CFAP74: variants seen among roughly 807,000 people sequenced by gnomAD.
CFAP74 encodes the protein cilia and flagella associated protein 74.
Under a neutral mutation model 188.9 loss-of-function variants are expected in CFAP74, and 124 were observed. The observed-to-expected ratio is 0.66, with a 90% CI of 0.57 to 0.76. The LOEUF (loss-of-function observed/expected upper bound fraction) is 0.76. Ranked by LOEUF, CFAP74 falls within the 30% of genes least tolerant of loss-of-function variation. The pLI is 0.00. For synonymous variants in CFAP74, 956 were observed against 916.7 expected, an observed-to-expected ratio of 1.04 and a Z score of -0.77; for missense variants, 2,198 against 2,165.2, an observed-to-expected ratio of 1.02 and a Z score of -0.30.
intron 5 of CFAP74, among the ~76,000 whole-genome samples, chr1:1,985,992 C>T (rs1395508853): frequency 6.6e-6 from 1 of 152,216 alleles, no homozygotes; most frequent in East Asian, 1.9e-4. Context: ...CCAGAGGTCC[C>T]GGCCATGTGG....
chr1:1,928,909 G>C (rs1472074703), intron 26 of CFAP74, 27 bp from the exon 27 acceptor site: 6 of 1,486,888 alleles, frequency 4.0e-6, no homozygotes, highest in Non-Finnish European at 4.5e-6. Context: ...GTGGGCACAG[G>C]GGTTGCCACT....
At chr1:1,981,834 C>CG (rs148046904) in intron 6 of CFAP74, among the ~76,000 whole-genome samples, 1 of 84,096 alleles carries the variant, frequency 1.2e-5, no homozygotes, top group Admixed American at 1.1e-4. Context: ...CGGACAGACA[C>CG]GGGGGCACGC....
intron 6 of CFAP74, 45 bp from the exon 7 acceptor site, chr1:1,974,243 T>C (rs1221729666): frequency 2.0e-6 from 3 of 1,533,276 alleles, no homozygotes; most frequent in South Asian, 1.2e-5. Flanking sequence ...CCCACAGTCA[T>C]CCTGGGGTGG....
At chr1:1,949,301 G>A (rs193212374) in intron 18 of CFAP74, among the ~76,000 whole-genome samples, 3 of 151,980 alleles carry the variant, frequency 2.0e-5, no homozygotes, top group African/African-American at 4.8e-5. Context: ...TGAGATTACA[G>A]GTGCGTGCCA....
Position 1,966,483 on chromosome 1 carries a change from TC to T in CFAP74, c.1288del (p.Glu430LysfsTer21). On this transcript the variant is annotated frameshift_variant, in exon 12 of 39. Transcript: ENST00000682832. LOFTEE classifies it high-confidence loss of function. ...CTGGATAAGCTCACTGGAAACGACT[TC>T]CAGCAACCGAGAGGGCCCGGGGCCT... ...AAGPGPSRLLEVVSSELIQGD... is the reference protein window; with the variant it reads ...AAGPGPSRLLXVVSSELIQGD... 6.2e-7 allele frequency: 1 copy of T among 1,600,256 alleles called. No individual in the cohort carries two copies. The highest frequency in any genetic ancestry group is 1.1e-5 in the South Asian group (1 of 89,516).
At chr1:1,996,725 A>T (rs917996404) in intron 1 of CFAP74, among the ~76,000 whole-genome samples, 5 of 151,958 alleles carry the variant, frequency 3.3e-5, no homozygotes, top group African/African-American at 1.2e-4. Context: ...GTTTGAGACC[A>T]GCCTGACCAA....
chr1:1,934,618 G>C (rs2102039195), intron 25 of CFAP74, among the ~76,000 whole-genome samples: 1 of 149,918 alleles, frequency 6.7e-6, no homozygotes, highest in African/African-American at 2.5e-5. Context: ...TGTGTGTTAG[G>C]TTGTAGGTAC....
At chr1:1,990,776 A>G (rs1657520316) in intron 2 of CFAP74, 114 bp downstream of exon 2, 1 of 656,832 alleles carries the variant, frequency 1.5e-6, no homozygotes, top group African/African-American at 1.8e-5. Flanking sequence ...GAAAAATATG[A>G]GTGTAAAAGA....
chr1:1,950,441 G>C (rs890722720), intron 18 of CFAP74, among the ~76,000 whole-genome samples: 9 of 151,648 alleles, frequency 5.9e-5, no homozygotes, highest in African/African-American at 2.2e-4. Flanking sequence ...CCAGGTTCAA[G>C]TGATTCTCCT....
Position 1,975,008 on chromosome 1 carries a change from C to A in CFAP74, c.501-810G>T, listed in dbSNP as rs116167368. 6.6e-6 allele frequency among the ~76,000 whole-genome samples: 1 copy of A among 152,210 alleles called. No individual in the cohort carries two copies. Among genetic ancestry groups the A allele is most frequent in the Non-Finnish European group, 1.5e-5 (1 of 68,040 alleles). On this transcript the variant is annotated intron_variant, in intron 6 of 38. Coordinates refer to ENST00000682832, the MANE Select transcript of CFAP74 (RefSeq NM_001304360.2). The surrounding 1 kb of genome is among the most constrained non-coding windows in gnomAD (Gnocchi z 4.5). ...TTCCACCCAGAGATGCGGCTCAGGCCGGGGCTGGCCACGCGAGGATCAGAA... is the reference window on the plus strand; with the variant it reads ...TTCCACCCAGAGATGCGGCTCAGGCAGGGGCTGGCCACGCGAGGATCAGAA...
chr1:2,002,125 T>C (rs940198373), intron 1 of CFAP74, among the ~76,000 whole-genome samples: 2 of 152,142 alleles, frequency 1.3e-5, no homozygotes, highest in Admixed American at 6.5e-5. Context: ...GAGAATGTCC[T>C]CGTTTGTGGA....
Position 1,961,506 on chromosome 1 carries a change from C to T in CFAP74, c.1695-1476G>A, listed in dbSNP as rs539771042. Among the ~76,000 whole-genome samples, 13 of 152,212 alleles carry T rather than the reference C, an allele frequency of 8.5e-5. No individual in the cohort carries two copies. In the East Asian group the frequency reaches 1.7e-3, roughly 20 times the overall value. On this transcript the variant is annotated intron_variant, in intron 14 of 38. Coordinates refer to ENST00000682832, the MANE Select transcript of CFAP74 (RefSeq NM_001304360.2). ...CCTCAACCTGTTGAGAGAAAATAAC[C>T]GTCCATGAGAAGTTCTCATCCCAGC...
Position 1,930,099 on chromosome 1 carries a change from G to A in CFAP74, c.3249C>T (p.Ile1083=). ...FEFLLPPDSP[I]TISPSVGTVW... ...CGGTCCCCACTGAGGGCGAGATGGTGATAGGCGAGTCTGGGGGCAGCAGGA... is the reference window on the plus strand; with the variant it reads ...CGGTCCCCACTGAGGGCGAGATGGTAATAGGCGAGTCTGGGGGCAGCAGGA... The change falls in exon 26 of 39, where the codon ATC becomes ATT. Residue 1083 remains isoleucine, a synonymous_variant. Transcript: ENST00000682832. The A allele has an allele frequency of 1.3e-6, 2 of 1,534,156 alleles. No individual in the cohort carries two copies. Among genetic ancestry groups the A allele is most frequent in the Non-Finnish European group, 1.7e-6 (2 of 1,145,494 alleles).
rs911104171 is a variant in CFAP74, at chr1:1,975,132, A to G, written c.501-934T>C. ...CACAGCTCTGTCCTAGACACCCGCG[A>G]TCATGTTCATTTCCACTTCGTCTTT... On this transcript the variant is annotated intron_variant, in intron 6 of 38. Coordinates refer to ENST00000682832, the MANE Select transcript of CFAP74 (RefSeq NM_001304360.2). The surrounding 1 kb of genome is among the most constrained non-coding windows in gnomAD (Gnocchi z 4.5). Among the ~76,000 whole-genome samples the G allele has an allele frequency of 6.6e-5, 10 of 152,196 alleles. No homozygotes were observed. The highest frequency in any genetic ancestry group is 1.7e-4 in the African/African-American group (7 of 41,456).
chr1:1,932,591 T>G (rs1043218892), intron 25 of CFAP74, among the ~76,000 whole-genome samples: 2 of 151,282 alleles, frequency 1.3e-5, no homozygotes, highest in Non-Finnish European at 2.9e-5. Flanking sequence ...TTTTTTTCTT[T>G]CTTTTTTTCT....
chr1:1,971,420 C>A (rs528114038), intron 9 of CFAP74, among the ~76,000 whole-genome samples: 1 of 152,290 alleles, frequency 6.6e-6, no homozygotes, highest in African/African-American at 2.4e-5. Context: ...CACACATGCA[C>A]ACACACATGC....
chr1:1,979,043 C>G (rs146639589), intron 6 of CFAP74, among the ~76,000 whole-genome samples: 7 of 115,314 alleles, frequency 6.1e-5, no homozygotes, highest in Non-Finnish European at 9.8e-5. Context: ...GGGAAGGCGT[C>G]ATGTGACGAG....
chr1:1,989,320 C>T (rs184007227), intron 2 of CFAP74, among the ~76,000 whole-genome samples: 12 of 152,372 alleles, frequency 7.9e-5, no homozygotes, highest in Admixed American at 2.0e-4. Context: ...AGCCGCCGGA[C>T]TAACCAGCCA....
chr1:1,922,020 A>AG lies in CFAP74; in HGVS notation c.*266dup, dbSNP rs1056691858. 47 of 471,460 alleles carry AG rather than the reference A, an allele frequency of 1.0e-4. No individual in the cohort carries two copies. Among genetic ancestry groups the AG allele is most frequent in the African/African-American group, 7.3e-4 (36 of 49,300 alleles). 29.2% of individuals were successfully genotyped at this position (471,460 alleles called of 1,614,324 possible). On this transcript the variant is annotated 3_prime_UTR_variant, in exon 39 of 39. Transcript: ENST00000682832. ...GCTCTCCTGGGGGCTGGGGGCTCTGAGGGGGTCTGGCTAGGATGGCTGAGG... is the reference window on the plus strand; with the variant it reads ...GCTCTCCTGGGGGCTGGGGGCTCTGAGGGGGGTCTGGCTAGGATGGCTGAGG...
Sources: allele counts gnomAD v4.1 joint callset (sites outside exome capture counted in the v4.1 genomes callset), GRCh38; gene constraint gnomAD v4.1.1; non-coding constraint Gnocchi (gnomAD v3.1); transcripts MANE v1.5; gene names NCBI Gene and HGNC (gene_info 2026-07-23, HGNC 2026-07-21).